Variants in STON2 observed in about 807,000 individuals in gnomAD.
STON2 encodes stonin 2.
In STON2, 29 loss-of-function variants were observed where a neutral mutation model predicts 65.7. The observed-to-expected ratio is 0.44, with a 90% confidence interval of 0.33 to 0.60. STON2 has a LOEUF of 0.60. STON2 is among the 20% of genes least tolerant of loss of function. STON2 has a pLI of 0.03. For synonymous variants in STON2, 404 were observed against 414.2 expected (o/e 0.98, Z 0.30); for missense variants, 1,054 against 1,118.1 (o/e 0.94, Z 0.82).
At chr14:81,313,870 T>C in intron 5 of STON2, among the ~76,000 whole-genome samples, 1 of 149,774 alleles carries the variant, frequency 6.7e-6, no homozygotes, top group African/African-American at 2.5e-5. Flanking sequence ...TTACAAAGTG[T>C]GGTTAAGTAT....
chr14:81,327,738 T>C (rs1595357491), intron 4 of STON2, among the ~76,000 whole-genome samples: 1 of 152,236 alleles, frequency 6.6e-6, no homozygotes, highest in African/African-American at 2.4e-5. Flanking sequence ...CATGTTATGT[T>C]AGACAATATA....
chr14:81,268,457 T>G lies in STON2; in HGVS notation c.2825A>C (p.Glu942Ala), dbSNP rs964050868. Residue 942 changes from glutamate (E) to alanine (A), a missense_variant, in exon 8 of 8, where the codon GAA becomes GCA. Physicochemically the swap from Glu to Ala is moderately radical, Grantham distance 107. Coordinates refer to ENST00000614646, the MANE Select transcript of STON2 (RefSeq NM_001394390.1). ...CTTGGGATTTTCCATTTCATCTCCT[T>G]CAAAGTCCGGCTTCAAACTCTTTTT... ...EQKKSLKPDF[E>A]GDEMENPKEC... 7.8e-7 allele frequency: 1 copy of G among 1,289,618 alleles called. No individual in the cohort carries two copies. The highest frequency in any genetic ancestry group is 1.5e-5 in the African/African-American group (1 of 65,972). The allele number at this position is 1,289,618 out of a possible 1,614,324, so 79.9% of individuals were successfully genotyped here.
At chr14:81,279,998 G>A (rs1017483202) in intron 5 of STON2, among the ~76,000 whole-genome samples, 2 of 152,156 alleles carry the variant, frequency 1.3e-5, no homozygotes, top group East Asian at 3.9e-4. Flanking sequence ...AATTGGGTGA[G>A]TGTTAAGAAA....
At position 81,265,099 on chromosome 14, in the gene STON2, C is replaced by T; in HGVS notation, c.*3315G>A. On this transcript the variant is annotated 3_prime_UTR_variant, in exon 8 of 8. Coordinates refer to ENST00000614646, the MANE Select transcript of STON2 (RefSeq NM_001394390.1). ...CCACAAAAAAAAAAAATAAAAAGTC[C>T]AGGTCCAGGGTTGCAAAAGTAGAAT... The T allele has an allele frequency of 2.0e-6, 2 of 984,490 alleles. No individual in the cohort carries two copies. Among genetic ancestry groups the T allele is most frequent in the Non-Finnish European group, 2.4e-6 (2 of 829,640 alleles). The allele number at this position is 984,490 out of a possible 1,614,324, so 61.0% of individuals were successfully genotyped here. A position where few individuals can be genotyped will look rare whatever the true frequency, so the allele number is the denominator to read the frequency against.
chr14:81,308,864 ATACATACATACATACAC>A (rs1896311501), intron 5 of STON2, among the ~76,000 whole-genome samples: 1 of 94,990 alleles, frequency 1.1e-5, no homozygotes, highest in Non-Finnish European at 2.1e-5. Flanking sequence ...ACATACATAC[ATACATACATACATACAC>A]TAAAGGGTTG....
intron 2 of STON2, among the ~76,000 whole-genome samples, chr14:81,412,430 A>T (rs1193507193): frequency 7.1e-6 from 1 of 139,980 alleles, no homozygotes; most frequent in African/African-American, 2.9e-5. Context: ...ATTCTGATAC[A>T]TGCTACAACA....
At chr14:81,405,661 A>G (rs1387812645) in intron 2 of STON2, among the ~76,000 whole-genome samples, 2 of 151,994 alleles carry the variant, frequency 1.3e-5, no homozygotes, top group African/African-American at 4.8e-5. Context: ...AGCTTGTATA[A>G]AGCTTGGTCT....
At chr14:81,381,088 C>T (rs11629261) in intron 3 of STON2, among the ~76,000 whole-genome samples, 84,647 of 152,000 alleles carry the variant, frequency 0.56, 25,097 homozygotes, top group African/African-American at 0.75. Context: ...TATAAGTATT[C>T]ATGTTAAAAT....
chr14:81,371,293 A>T, intron 3 of STON2, 108 bp from the exon 4 acceptor site: 1 of 1,029,508 alleles, frequency 9.7e-7, no homozygotes, highest in South Asian at 1.6e-5. Flanking sequence ...AAATCTCAAC[A>T]GTCATATGAG....
At chr14:81,371,250 C>G in intron 3 of STON2, 65 bp from the exon 4 acceptor site, 2 of 1,450,492 alleles carry the variant, frequency 1.4e-6, no homozygotes, top group Non-Finnish European at 1.9e-6. Flanking sequence ...ATCTTTAGTG[C>G]TTATCTTACT....
chr14:81,434,942 T>C (rs535082519), intron 1 of STON2, among the ~76,000 whole-genome samples: 4 of 152,190 alleles, frequency 2.6e-5, no homozygotes, highest in East Asian at 1.9e-4. Context: ...TGCTGTGTGG[T>C]TGAGTTTTTT....
In STON2 at chr14:81,263,793, T is replaced by C. The variant is rs938535800; in HGVS notation, c.*4621A>G. ...GCATTTCTATAAGCAGGCTGGATGG[T>C]AGTGCTTCCTACTTAAACCAATTTA... On this transcript the variant is annotated 3_prime_UTR_variant, in exon 8 of 8. Coordinates refer to ENST00000614646, the MANE Select transcript of STON2 (RefSeq NM_001394390.1). 4 of 985,234 alleles carry C rather than the reference T, an allele frequency of 4.1e-6. No individual in the cohort carries two copies. Among genetic ancestry groups the C allele is most frequent in the Non-Finnish European group, 4.8e-6 (4 of 829,904 alleles). The allele number at this position is 985,234 out of a possible 1,614,324, so 61.0% of individuals were successfully genotyped here.
chr14:81,411,104 T>C (rs1295762816), intron 2 of STON2, among the ~76,000 whole-genome samples: 16 of 152,184 alleles, frequency 1.1e-4, no homozygotes, highest in Admixed American at 1.0e-3. Flanking sequence ...AAAGTGATCA[T>C]TTTTAGTGGA....
chr14:81,367,366 G>A lies in STON2; in HGVS notation c.571+3622C>T, dbSNP rs370311144. On this transcript the variant is annotated intron_variant, in intron 4 of 7. Transcript: ENST00000614646. ...TAATTTTTGTATTTTTAGTAGAGAC[G>A]GGGTTTCACCATGTTGGCCAGGGTG... Among the ~76,000 whole-genome samples the A allele has an allele frequency of 1.1e-3, 163 of 152,038 alleles. 4 individuals are homozygous for A. The South Asian group carries it at 0.032, about 30-fold the overall frequency.
rs778318436 is a variant in STON2, at chr14:81,398,391, G to C, written c.-9C>G. 6 of 1,612,414 alleles carry C rather than the reference G, an allele frequency of 3.7e-6. No individual in the cohort carries two copies. The South Asian group carries it at 6.6e-5, about 18-fold the overall frequency. ...TGGTCCAAAGTCGTCATGCTAAAAA[G>C]GCACTGGTCATCTTCACACTGCTGA... On this transcript the variant is annotated 5_prime_UTR_variant, in exon 2 of 8. Transcript: ENST00000614646.
At chr14:81,351,628 A>C (rs1451243403) in intron 4 of STON2, among the ~76,000 whole-genome samples, 1 of 152,228 alleles carries the variant, frequency 6.6e-6, no homozygotes, top group African/African-American at 2.4e-5. Context: ...AAGGTGCAAA[A>C]TTTTGAAGCA....
intron 4 of STON2, among the ~76,000 whole-genome samples, chr14:81,366,820 A>G (rs1438494294): frequency 1.7e-5 from 2 of 120,314 alleles, no homozygotes; most frequent in African/African-American, 3.6e-5. Context: ...AGGCAGAGAG[A>G]TATTAAATTA....
chr14:81,308,780 C>CTATATATATATATATA (rs1566901042), intron 5 of STON2, among the ~76,000 whole-genome samples: 2 of 1,918 alleles, frequency 1.0e-3, no homozygotes, highest in African/African-American at 4.0e-3. Context: ...ATGGTTTTAC[C>CTATATATATATATATA]CATATATATA....
intron 2 of STON2, among the ~76,000 whole-genome samples, chr14:81,409,458 TAC>T (rs981888563): frequency 8.5e-4 from 128 of 151,048 alleles, no homozygotes; most frequent in Non-Finnish European, 1.6e-3. Context: ...TACTTATTTA[TAC>T]ACACACACAC....
Sources: gnomAD v4.1 joint callset for allele counts (sites outside exome capture counted in the v4.1 genomes callset) on GRCh38, gnomAD v4.1.1 for gene constraint, MANE v1.5 for transcripts, NCBI Gene and HGNC (gene_info 2026-07-23, HGNC 2026-07-21) for gene names.